Variants in CAMTA1 observed in about 807,000 individuals in gnomAD.
CAMTA1 encodes the protein calmodulin-binding transcription activator 1.
A neutral mutation model predicts 170.9 loss-of-function variants in CAMTA1; 27 were observed. That is an observed-to-expected ratio of 0.16 (90% CI 0.12 to 0.22). The LOEUF (loss-of-function observed/expected upper bound fraction) is 0.22, where lower values mean the gene tolerates loss of function less well. CAMTA1 is among the 10% of genes least tolerant of loss of function. The pLI is 1.00. For missense variants in CAMTA1, 1,619 were observed against 2,217.2 expected (o/e 0.73, Z 5.42); for synonymous variants, 833 against 891.5 (o/e 0.93, Z 1.17).
chr1:7,712,040 C>T (rs1490921905), intron 11 of CAMTA1, among the ~76,000 whole-genome samples: 1 of 152,128 alleles, frequency 6.6e-6, no homozygotes, highest in African/African-American at 2.4e-5. Flanking sequence ...ACTACATAAT[C>T]TATAAAATCT....
At chr1:7,373,376 C>CA (rs760432311) in intron 5 of CAMTA1, among the ~76,000 whole-genome samples, 1 of 152,232 alleles carries the variant, frequency 6.6e-6, no homozygotes, top group Non-Finnish European at 1.5e-5. Flanking sequence ...CCCCCAGCCC[C>CA]AGGGAGCCCC....
At chr1:7,578,363 A>C (rs2095222556) in intron 6 of CAMTA1, among the ~76,000 whole-genome samples, 1 of 152,160 alleles carries the variant, frequency 6.6e-6, no homozygotes, top group African/African-American at 2.4e-5. Flanking sequence ...AGCCGGGAGC[A>C]CCAAGGACAA....
chr1:6,842,802 T>C (rs1360815949), intron 3 of CAMTA1, among the ~76,000 whole-genome samples: 1 of 152,004 alleles, frequency 6.6e-6, no homozygotes, highest in East Asian at 1.9e-4. Context: ...TGCATGCCTG[T>C]AATCCCAGCT....
intron 5 of CAMTA1, among the ~76,000 whole-genome samples, chr1:7,292,347 A>G (rs1454851817): frequency 2.0e-5 from 3 of 152,134 alleles, no homozygotes; most frequent in Non-Finnish European, 4.4e-5. Flanking sequence ...AGGCAGAGCC[A>G]ATATTCTGTG....
rs964391142 is a variant in CAMTA1 at position 7,010,256 on chromosome 1, C to T, written c.235-81048C>T. Reference sequence around the variant, plus strand: ...AGCTCATGGTCAGGGAGTGTCAGAACGAGGACCAGGACCCCAGGGCCGGCT... The same window carrying T: ...AGCTCATGGTCAGGGAGTGTCAGAATGAGGACCAGGACCCCAGGGCCGGCT... On this transcript the variant is annotated intron_variant, in intron 3 of 22. Transcript: ENST00000303635. This position sits in a 1 kb window ranked among gnomAD's most constrained non-coding sequence, Gnocchi z 4.4. Among the ~76,000 whole-genome samples, 1 of 152,166 alleles carries T rather than the reference C, an allele frequency of 6.6e-6. No individual in the cohort carries two copies. Among genetic ancestry groups the T allele is most frequent in the Non-Finnish European group, 1.5e-5 (1 of 68,020 alleles).
chr1:7,766,586 C>T lies in CAMTA1; in HGVS notation c.*95C>T, dbSNP rs1458687410. On this transcript the variant is annotated 3_prime_UTR_variant, in exon 23 of 23. Coordinates refer to ENST00000303635, the MANE Select transcript of CAMTA1 (RefSeq NM_015215.4). The stretch of plus-strand genomic sequence containing the variant: ...GAGACATGCAACAACAACACACACG[C>T]ACACACGCACACACACACACGTACA... The T allele has an allele frequency of 3.1e-6, 3 of 973,782 alleles. No individual in the cohort carries two copies. The African/African-American group carries it at 4.8e-5, about 16-fold the overall frequency. 60.3% of individuals were successfully genotyped at this position (973,782 alleles called of 1,614,324 possible).
intron 3 of CAMTA1, among the ~76,000 whole-genome samples, chr1:7,076,629 G>A (rs981065221): frequency 6.6e-6 from 1 of 152,136 alleles, no homozygotes; most frequent in African/African-American, 2.4e-5. Flanking sequence ...TTTGAACTAA[G>A]TCCTCACGTG....
At chr1:7,229,042 T>A (rs773250937) in intron 4 of CAMTA1, among the ~76,000 whole-genome samples, 1 of 151,894 alleles carries the variant, frequency 6.6e-6, no homozygotes, top group Non-Finnish European at 1.5e-5. Context: ...AGGACAGGCA[T>A]CTCCCTGGAG....
chr1:6,959,257 C>T (rs1689974880), intron 3 of CAMTA1, among the ~76,000 whole-genome samples: 2 of 152,186 alleles, frequency 1.3e-5, no homozygotes, highest in South Asian at 2.1e-4. Flanking sequence ...CCTCTCTGAG[C>T]CAGTAGCTCA....
At chr1:7,252,437 C>T (rs1441916232) in intron 5 of CAMTA1, among the ~76,000 whole-genome samples, 3 of 152,210 alleles carry the variant, frequency 2.0e-5, no homozygotes, top group Non-Finnish European at 4.4e-5. Flanking sequence ...AAGATCAACC[C>T]CCACATCTCA....
intron 6 of CAMTA1, among the ~76,000 whole-genome samples, chr1:7,546,136 T>G (rs547877583): frequency 1.1e-4 from 17 of 152,184 alleles, no homozygotes; most frequent in African/African-American, 3.9e-4. Flanking sequence ...TTTGTATTTT[T>G]TAGTAGAGAC....
intron 4 of CAMTA1, among the ~76,000 whole-genome samples, chr1:7,136,160 C>T (rs535619475): frequency 6.6e-6 from 1 of 152,210 alleles, no homozygotes; most frequent in Non-Finnish European, 1.5e-5. Context: ...ATGTGGTCTC[C>T]TCTTTCAGAC....
intron 6 of CAMTA1, among the ~76,000 whole-genome samples, chr1:7,539,890 A>C (rs752015658): frequency 3.0e-4 from 46 of 152,218 alleles, no homozygotes; most frequent in Non-Finnish European, 5.3e-4. Context: ...CTGAGTTGAG[A>C]TTCAGGCAGG....
intron 6 of CAMTA1, among the ~76,000 whole-genome samples, chr1:7,516,884 A>G (rs996242806): frequency 6.6e-6 from 1 of 152,218 alleles, no homozygotes; most frequent in African/African-American, 2.4e-5. Context: ...AAATGGGCAT[A>G]GCTCTATTGT....
intron 3 of CAMTA1, among the ~76,000 whole-genome samples, chr1:6,968,478 A>G (rs191579715): frequency 3.5e-4 from 53 of 152,298 alleles, no homozygotes; most frequent in Non-Finnish European, 7.6e-4. Context: ...ATTCATTTAT[A>G]TGACAAATGT....
chr1:6,855,265 C>T lies in CAMTA1; in HGVS notation c.234+30055C>T, dbSNP rs185311360. Among the ~76,000 whole-genome samples, 12 of 151,992 alleles carry T rather than the reference C, an allele frequency of 7.9e-5. No individual in the cohort carries two copies. The East Asian group carries it at 2.3e-3, about 30-fold the overall frequency. On this transcript the variant is annotated intron_variant, in intron 3 of 22. Coordinates refer to ENST00000303635, the MANE Select transcript of CAMTA1 (RefSeq NM_015215.4). Reference sequence around the variant, plus strand: ...AGAGAAACCAGTTGTATTAGTTTGTCCTCATAGGGCTATAAAGAAATACCC... The same window carrying T: ...AGAGAAACCAGTTGTATTAGTTTGTTCTCATAGGGCTATAAAGAAATACCC...
intron 3 of CAMTA1, among the ~76,000 whole-genome samples, chr1:7,069,075 A>G (rs1638247176): frequency 6.6e-6 from 1 of 152,086 alleles, no homozygotes; most frequent in South Asian, 2.1e-4. Flanking sequence ...CATGCCCTTG[A>G]CCCTGCTGGG....
At chr1:7,498,501 G>C (rs1460954847) in intron 6 of CAMTA1, among the ~76,000 whole-genome samples, 1 of 151,980 alleles carries the variant, frequency 6.6e-6, no homozygotes, top group Non-Finnish European at 1.5e-5. Context: ...GAGTGAGTGT[G>C]GGTGTGGGTG....
intron 3 of CAMTA1, among the ~76,000 whole-genome samples, chr1:6,925,445 C>T (rs543850531): frequency 5.3e-5 from 8 of 152,340 alleles, no homozygotes; most frequent in Admixed American, 3.3e-4. Context: ...ATTTTAGGCC[C>T]ACTCTGGTGG....
Sources: allele counts gnomAD v4.1 joint callset (sites outside exome capture counted in the v4.1 genomes callset), GRCh38; gene constraint gnomAD v4.1.1; non-coding constraint Gnocchi (gnomAD v3.1); transcripts MANE v1.5; gene names NCBI Gene and HGNC (gene_info 2026-07-23, HGNC 2026-07-21).